Variants in RNF138 observed in about 807,000 individuals in gnomAD.
RNF138 encodes the protein ring finger protein 138, also known as E3 ubiquitin-protein ligase RNF138.
In RNF138, 12 loss-of-function variants were observed where a neutral mutation model predicts 31.0. That is an observed-to-expected ratio of 0.39 (90% confidence interval 0.25 to 0.63). RNF138 has a LOEUF of 0.63. Ranked by LOEUF, RNF138 falls within the 20% of genes least tolerant of loss-of-function variation. The pLI is 0.52. For synonymous variants in RNF138, 105 were observed against 99.5 expected (o/e 1.06, Z -0.33); for missense variants, 192 against 300.1 (o/e 0.64, Z 2.66).
At chr18:32,092,629 AG>A (rs28364713) in intron 1 of RNF138, 70 bp from the exon 2 acceptor site, 26,587 of 636,282 alleles carry the variant, frequency 0.042, 1,145 homozygotes, top group East Asian at 0.2. Flanking sequence ...CGCCCTACCC[AG>A]GGCCCCGCCC....
chr18:32,094,013 G>GAAA (rs563447210), intron 2 of RNF138, among the ~76,000 whole-genome samples: 1 of 151,880 alleles, frequency 6.6e-6, no homozygotes, highest in Non-Finnish European at 1.5e-5. Flanking sequence ...GGATGGTCTC[G>GAAA]ATCTCCTGAC....
At chr18:32,096,375 C>T (rs977576983) in intron 2 of RNF138, among the ~76,000 whole-genome samples, 3 of 152,190 alleles carry the variant, frequency 2.0e-5, no homozygotes, top group African/African-American at 7.2e-5. Flanking sequence ...AGCAGAGAGA[C>T]TCCTGACATT....
intron 3 of RNF138, among the ~76,000 whole-genome samples, chr18:32,113,087 T>A (rs1284436044): frequency 1.3e-5 from 2 of 152,180 alleles, no homozygotes; most frequent in East Asian, 3.9e-4. Context: ...ACTTAATTTT[T>A]TTTGAGACAG....
In RNF138 at chr18:32,098,760, G is replaced by A. The variant is rs376215746; in HGVS notation, c.110+5874G>A. Among the ~76,000 whole-genome samples, 1,096 of 151,906 alleles carry A rather than the reference G, an allele frequency of 7.2e-3. 19 individuals carry two copies. The highest frequency in any genetic ancestry group is 0.025 in the African/African-American group (1,048 of 41,414). On this transcript the variant is annotated intron_variant, in intron 2 of 7. Transcript: ENST00000261593. ...CCCAGCTGTTCGGGAGGCTGAGGCAGGAGAATGGCATGAACCCGGGAGGTG... is the reference window on the plus strand; with the variant it reads ...CCCAGCTGTTCGGGAGGCTGAGGCAAGAGAATGGCATGAACCCGGGAGGTG...
chr18:32,129,831 AAG>A lies in RNF138; in HGVS notation c.*648_*649del, dbSNP rs2040444604. The stretch of plus-strand genomic sequence containing the variant: ...CTTTTTGTTATTAGAAGGAAATACA[AAG>A]AGAAAAATTTCTTTCTTTCATGGGC... On this transcript the variant is annotated 3_prime_UTR_variant, in exon 8 of 8. Transcript: ENST00000261593. The A allele has an allele frequency of 6.6e-6, 1 of 152,494 alleles. No homozygotes were observed. The highest frequency in any genetic ancestry group is 2.1e-4 in the South Asian group (1 of 4,828). The allele number at this position is 152,494 out of a possible 1,614,324, so 9.4% of individuals were successfully genotyped here.
intron 4 of RNF138, among the ~76,000 whole-genome samples, chr18:32,122,607 T>G (rs2040324430): frequency 6.6e-6 from 1 of 152,104 alleles, no homozygotes; most frequent in African/African-American, 2.4e-5. Context: ...GCGGATCACT[T>G]GAGCTCAGGA....
intron 4 of RNF138, among the ~76,000 whole-genome samples, chr18:32,122,209 G>A (rs559938181): frequency 6.6e-6 from 1 of 152,180 alleles, no homozygotes; most frequent in African/African-American, 2.4e-5. Context: ...GCTCGCTTGG[G>A]CTATGTGTGG....
intron 4 of RNF138, among the ~76,000 whole-genome samples, chr18:32,121,994 G>A (rs2040313651): frequency 1.3e-5 from 2 of 151,918 alleles, no homozygotes; most frequent in Non-Finnish European, 1.5e-5. Flanking sequence ...TCAGCCTCCC[G>A]AGTAGTTGGG....
At chr18:32,094,087 C>T (rs1272915242) in intron 2 of RNF138, among the ~76,000 whole-genome samples, 1 of 152,094 alleles carries the variant, frequency 6.6e-6, no homozygotes, top group Non-Finnish European at 1.5e-5. Flanking sequence ...CACCGCGCCC[C>T]GCCCGGAAAT....
In RNF138 at chr18:32,123,433, T is replaced by G. The variant is rs930626891; in HGVS notation, c.393-85T>G. The G allele has an allele frequency of 1.1e-4, 96 of 847,748 alleles. 1 individual carries two copies. Among genetic ancestry groups the G allele is most frequent in the Middle Eastern group, 6.4e-4 (2 of 3,116 alleles). The allele number at this position is 847,748 out of a possible 1,614,324, so 52.5% of individuals were successfully genotyped here. A position where few individuals can be genotyped will look rare whatever the true frequency, so the allele number is the denominator to read the frequency against. On this transcript the variant is annotated intron_variant, in intron 4 of 7. Transcript: ENST00000261593. Reference sequence around the variant, plus strand: ...CTTTTAAAACAAATTCAGACTAGTCTTCTTCATTAATGGTTCAAGATAATG... The same window carrying G: ...CTTTTAAAACAAATTCAGACTAGTCGTCTTCATTAATGGTTCAAGATAATG...
intron 4 of RNF138, among the ~76,000 whole-genome samples, chr18:32,117,934 T>G (rs2040243290): frequency 6.6e-6 from 1 of 152,216 alleles, no homozygotes; most frequent in South Asian, 2.1e-4. Context: ...ATGTAATCAT[T>G]AAGATACAGA....
At chr18:32,111,256 G>A (rs1421141566) in intron 2 of RNF138, among the ~76,000 whole-genome samples, 2 of 152,190 alleles carry the variant, frequency 1.3e-5, no homozygotes, top group Non-Finnish European at 2.9e-5. Context: ...AAACCAATTT[G>A]TGTGCTCTTT....
chr18:32,099,197 C>T (rs2039872832), intron 2 of RNF138, among the ~76,000 whole-genome samples: 1 of 152,026 alleles, frequency 6.6e-6, no homozygotes, highest in Non-Finnish European at 1.5e-5. Context: ...CGGGCCTTTT[C>T]AGGAACATGA....
chr18:32,105,491 G>A (rs1325828633), intron 2 of RNF138, among the ~76,000 whole-genome samples: 2 of 152,192 alleles, frequency 1.3e-5, no homozygotes, highest in South Asian at 2.1e-4. Context: ...TTTGATAGAC[G>A]TGACATTGCA....
intron 4 of RNF138, among the ~76,000 whole-genome samples, chr18:32,117,675 C>T (rs1360626640): frequency 6.6e-6 from 1 of 152,184 alleles, no homozygotes; most frequent in Non-Finnish European, 1.5e-5. Flanking sequence ...GTTGAGCCAT[C>T]TAAAATAATC....
chr18:32,119,558 G>C (rs1047108029), intron 4 of RNF138, among the ~76,000 whole-genome samples: 2 of 152,104 alleles, frequency 1.3e-5, no homozygotes, highest in African/African-American at 4.8e-5. Flanking sequence ...CGAGTAGCTG[G>C]GACTACAGGC....
intron 4 of RNF138, 86 bp downstream of exon 4, chr18:32,113,946 G>C (rs917661519): frequency 5.7e-6 from 4 of 704,166 alleles, no homozygotes; most frequent in Admixed American, 3.2e-5. Flanking sequence ...TATTTGGGGG[G>C]ATGTGTGTGT....
chr18:32,092,575 C>T lies in RNF138; in HGVS notation c.-77-125C>T, dbSNP rs950299309. On this transcript the variant is annotated intron_variant, in intron 1 of 7. Coordinates refer to ENST00000261593, the MANE Select transcript of RNF138 (RefSeq NM_016271.5). ...TGGGAGGAGCCGTGGGAGGGGTCGC[C>T]TCTTGCCCGGCGCGTGCGGCAGTAG... 2.8e-5 allele frequency: 16 copies of T among 574,972 alleles called. 2 individuals are homozygous for T. The highest frequency in any genetic ancestry group is 8.7e-5 in the Admixed American group (3 of 34,670). 35.6% of individuals were successfully genotyped at this position (574,972 alleles called of 1,614,324 possible).
intron 2 of RNF138, among the ~76,000 whole-genome samples, chr18:32,100,251 A>T (rs2039903928): frequency 6.6e-6 from 1 of 151,156 alleles, no homozygotes; most frequent in Non-Finnish European, 1.5e-5. Flanking sequence ...GGGAAGGAAC[A>T]GTAAAATTGG....
Sources: allele counts gnomAD v4.1 joint callset (sites outside exome capture counted in the v4.1 genomes callset), GRCh38; gene constraint gnomAD v4.1.1; transcripts MANE v1.5; gene names NCBI Gene and HGNC (gene_info 2026-07-23, HGNC 2026-07-21).